Variants in CEMIP2 observed in about 807,000 individuals in gnomAD.
CEMIP2 encodes the protein cell migration inducing hyaluronidase 2.
In CEMIP2, 79 loss-of-function variants were observed where a neutral mutation model predicts 146.9. The observed-to-expected ratio is 0.54, with a 90% CI of 0.45 to 0.65. The LOEUF (loss-of-function observed/expected upper bound fraction) is 0.65. Ranked by LOEUF, CEMIP2 falls within the 30% of genes least tolerant of loss-of-function variation. The pLI, the probability that CEMIP2 is intolerant of heterozygous loss-of-function variation, is 0.00. For missense variants in CEMIP2, 1,596 were observed against 1,696.2 expected, an observed-to-expected ratio of 0.94 and a Z score of 1.04; for synonymous variants, 601 against 606.3, an observed-to-expected ratio of 0.99 and a Z score of 0.13.
chr9:71,716,898 A>G (rs540321158), intron 13 of CEMIP2, among the ~76,000 whole-genome samples: 17 of 152,302 alleles, frequency 1.1e-4, no homozygotes, highest in African/African-American at 4.1e-4. Context: ...TTGGCAAGGT[A>G]TGGTGGCTCA....
chr9:71,755,961 CAAAAAAAAAAAAAAAAA>C (rs55972127), intron 1 of CEMIP2, among the ~76,000 whole-genome samples: 24 of 52,884 alleles, frequency 4.5e-4, no homozygotes, highest in African/African-American at 1.5e-3. Context: ...CTCTGTCTCA[CAAAAAAAAAAAAAAAAA>C]AAAAAAAAAA....
chr9:71,743,716 C>T (rs1823990507), intron 4 of CEMIP2, among the ~76,000 whole-genome samples: 1 of 152,170 alleles, frequency 6.6e-6, no homozygotes, highest in African/African-American at 2.4e-5. Context: ...AGACAGTGTC[C>T]TTTCGTCTAA....
rs1300796889 is a variant in CEMIP2 at position 71,745,502 on chromosome 9, C to T, written c.550G>A (p.Gly184Ser). The change falls in exon 4 of 24, where the codon GGT becomes AGT. Residue 184 changes from glycine to serine, a missense_variant. Gly to Ser is a moderately conservative substitution (Grantham distance 56). Transcript: ENST00000377044. ...LRTHYILIQDGGALHIGAEKC... is the reference protein window; with the variant it reads ...LRTHYILIQDSGALHIGAEKC... ...TCTGCTCCAATATGAAGCGCCCCACCATCCTGGATCAGGATGTAATGAGTC... is the reference window on the plus strand; with the variant it reads ...TCTGCTCCAATATGAAGCGCCCCACTATCCTGGATCAGGATGTAATGAGTC... The T allele has an allele frequency of 3.1e-6, 5 of 1,613,896 alleles. 1 individual carries two copies. The South Asian group carries it at 5.5e-5, about 18-fold the overall frequency.
intron 18 of CEMIP2, among the ~76,000 whole-genome samples, chr9:71,702,536 T>G (rs1473420634): frequency 1.3e-5 from 2 of 152,162 alleles, no homozygotes; most frequent in African/African-American, 4.8e-5. Flanking sequence ...AATGCCTCGC[T>G]TTGGTTAGGA....
chr9:71,728,293 A>ATATATATATATATGTG (rs1823499105), intron 10 of CEMIP2, among the ~76,000 whole-genome samples: 4 of 39,562 alleles, frequency 1.0e-4, no homozygotes, highest in African/African-American at 3.8e-4. Flanking sequence ...ATATATATAT[A>ATATATATATATATGTG]TATATATACA....
intron 11 of CEMIP2, among the ~76,000 whole-genome samples, chr9:71,724,032 T>C (rs1823316079): frequency 1.3e-5 from 2 of 152,184 alleles, no homozygotes; most frequent in South Asian, 4.1e-4. Context: ...GCATAGTGGC[T>C]CACACATGTA....
intron 21 of CEMIP2, among the ~76,000 whole-genome samples, chr9:71,693,754 T>A (rs1183223662): frequency 2.0e-5 from 3 of 152,184 alleles, no homozygotes; most frequent in African/African-American, 7.2e-5. Flanking sequence ...GTCACCAAGA[T>A]AGAAGATAAA....
At chr9:71,736,989 T>G (rs931049259) in intron 5 of CEMIP2, among the ~76,000 whole-genome samples, 1 of 151,646 alleles carries the variant, frequency 6.6e-6, no homozygotes, top group African/African-American at 2.4e-5. Flanking sequence ...GGCAACATAG[T>G]GGGACTTCAT....
intron 1 of CEMIP2, among the ~76,000 whole-genome samples, chr9:71,752,045 C>T (rs760310805): frequency 6.6e-6 from 1 of 151,994 alleles, no homozygotes; most frequent in Non-Finnish European, 1.5e-5. Context: ...TTTAATACAA[C>T]AAATCTATAA....
At position 71,730,131 on chromosome 9, in the gene CEMIP2, G is replaced by A; in HGVS notation, c.1896C>T (p.Pro632=). ...TACACATGGAGTTGTTCCTATCGGTGGGCAGGAGAGTACCCGGCTTGGTGA... is the reference window on the plus strand; with the variant it reads ...TACACATGGAGTTGTTCCTATCGGTAGGCAGGAGAGTACCCGGCTTGGTGA... ...GLLTKPGTLL[P]TDRNNSMCTT... is the part of the protein sequence containing the mutation. Residue 632 remains proline (P), a synonymous_variant, in exon 9 of 24, where the codon CCC becomes CCT. Transcript: ENST00000377044. 1 of 1,614,124 alleles carries A rather than the reference G, an allele frequency of 6.2e-7. No individual in the cohort carries two copies. Among genetic ancestry groups the A allele is most frequent in the African/African-American group, 1.3e-5 (1 of 75,014 alleles).
intron 1 of CEMIP2, among the ~76,000 whole-genome samples, chr9:71,757,176 G>T (rs1824485287): frequency 6.6e-6 from 1 of 152,190 alleles, no homozygotes. Context: ...CACAGTCCAA[G>T]AAATGCATAT....
Position 71,697,852 on chromosome 9 carries a change from G to A in CEMIP2, c.3597+133C>T, listed in dbSNP as rs1368270567. 7.7e-6 allele frequency: 7 copies of A among 903,918 alleles called. No homozygotes were observed. The East Asian group carries it at 8.0e-5, about 10-fold the overall frequency. The allele number at this position is 903,918 out of a possible 1,614,324, so 56.0% of individuals were successfully genotyped here. A position where few individuals can be genotyped will look rare whatever the true frequency, so the allele number is the denominator to read the frequency against. On this transcript the variant is annotated intron_variant, in intron 20 of 23. Coordinates refer to ENST00000377044, the MANE Select transcript of CEMIP2 (RefSeq NM_013390.3). ...TTACGCGCTTCACATTTTAGCATGG[G>A]CCAAAATTCAGGAGATGCCATGCAA...
At chr9:71,767,977 C>A (rs541710410) in intron 1 of CEMIP2, among the ~76,000 whole-genome samples, 1 of 152,320 alleles carries the variant, frequency 6.6e-6, no homozygotes, top group East Asian at 1.9e-4. Context: ...CTCACCCCAT[C>A]CCTCTCCAGA....
chr9:71,728,090 G>A (rs963427481), intron 10 of CEMIP2, among the ~76,000 whole-genome samples: 2 of 149,772 alleles, frequency 1.3e-5, no homozygotes, highest in Non-Finnish European at 3.0e-5. Context: ...TTTAGCCTGA[G>A]TATGGTGGCT....
chr9:71,706,281 A>T (rs1822737723), intron 17 of CEMIP2, among the ~76,000 whole-genome samples: 1 of 151,962 alleles, frequency 6.6e-6, no homozygotes, highest in Non-Finnish European at 1.5e-5. Flanking sequence ...AAATATTTAC[A>T]AATAGTTAAA....
chr9:71,686,890 T>C (rs1822077387), intron 22 of CEMIP2: 1 of 151,778 alleles, frequency 6.6e-6, no homozygotes, highest in Non-Finnish European at 1.5e-5. Flanking sequence ...TCAAATACTC[T>C]ATTTATTTAA....
At chr9:71,709,189 G>T in intron 17 of CEMIP2, 70 bp downstream of exon 17, 1 of 1,403,658 alleles carries the variant, frequency 7.1e-7, no homozygotes, top group Non-Finnish European at 1.0e-6. Context: ...AAGCTGAAGA[G>T]TACTTCTCAC....
At chr9:71,731,788 C>T (rs1325643590) in intron 7 of CEMIP2, among the ~76,000 whole-genome samples, 1 of 151,648 alleles carries the variant, frequency 6.6e-6, no homozygotes, top group Non-Finnish European at 1.5e-5. Flanking sequence ...ACAGCCTACT[C>T]AATGCACAAA....
chr9:71,695,980 A>G (rs1288279596), intron 20 of CEMIP2, among the ~76,000 whole-genome samples: 1 of 152,068 alleles, frequency 6.6e-6, no homozygotes, highest in Non-Finnish European at 1.5e-5. Flanking sequence ...TTACCCACAA[A>G]TTTTCAAGTA....
Sources: gnomAD v4.1 joint callset for allele counts (sites outside exome capture counted in the v4.1 genomes callset) on GRCh38, gnomAD v4.1.1 for gene constraint, MANE v1.5 for transcripts, NCBI Gene and HGNC (gene_info 2026-07-23, HGNC 2026-07-21) for gene names.